Variants in PRR5L observed in about 807,000 individuals in gnomAD.
PRR5L encodes the protein proline rich 5 like, also known as proline-rich protein 5-like.
A neutral mutation model predicts 36.4 loss-of-function variants in PRR5L; 21 were observed. The observed-to-expected ratio is 0.58, with a 90% confidence interval of 0.41 to 0.83. The LOEUF (loss-of-function observed/expected upper bound fraction) is 0.83, where lower values mean the gene tolerates loss of function less well. PRR5L is among the 40% of genes least tolerant of loss of function. The probability of loss-of-function intolerance (pLI) is 0.00; values close to 1 mark genes in which losing one functional copy is unlikely to be tolerated. For synonymous variants in PRR5L, 188 were observed against 197.0 expected, an observed-to-expected ratio of 0.95 and a Z score of 0.38; for missense variants, 381 against 473.3, an observed-to-expected ratio of 0.80 and a Z score of 1.81.
chr11:36,450,593 A>G (rs1009727894), intron 7 of PRR5L, among the ~76,000 whole-genome samples: 3 of 152,156 alleles, frequency 2.0e-5, no homozygotes, highest in African/African-American at 4.8e-5. Flanking sequence ...TCCTGGCTCA[A>G]AAAGAATTAT....
chr11:36,450,688 A>G (rs1377363613), intron 7 of PRR5L, among the ~76,000 whole-genome samples: 1 of 152,222 alleles, frequency 6.6e-6, no homozygotes, highest in Non-Finnish European at 1.5e-5. Flanking sequence ...AGAGGGGATC[A>G]GAGCCAGATA....
At chr11:36,410,790 C>T (rs1277412608) in intron 3 of PRR5L, among the ~76,000 whole-genome samples, 2 of 152,192 alleles carry the variant, frequency 1.3e-5, no homozygotes, top group African/African-American at 4.8e-5. Context: ...TCTGTTCCTG[C>T]TTAAGAGAAG....
intron 1 of PRR5L, among the ~76,000 whole-genome samples, chr11:36,354,057 G>A (rs1258215701): frequency 6.6e-6 from 1 of 152,146 alleles, no homozygotes; most frequent in Non-Finnish European, 1.5e-5. Context: ...GGCATTGGGC[G>A]GCTGAGACAG....
chr11:36,330,650 G>C (rs532658105), intron 1 of PRR5L, among the ~76,000 whole-genome samples: 1 of 152,276 alleles, frequency 6.6e-6, no homozygotes, highest in South Asian at 2.1e-4. Flanking sequence ...AATGGCTGTG[G>C]TTAAAGGTAT....
At chr11:36,370,005 G>GGA (rs1857182484) in intron 1 of PRR5L, among the ~76,000 whole-genome samples, 4 of 152,180 alleles carry the variant, frequency 2.6e-5, no homozygotes, top group African/African-American at 9.7e-5. Context: ...GGCCTTCTAG[G>GGA]AAATGAACTG....
intron 1 of PRR5L, among the ~76,000 whole-genome samples, chr11:36,326,131 C>T (rs1481680156): frequency 2.0e-5 from 3 of 152,000 alleles, no homozygotes; most frequent in Non-Finnish European, 2.9e-5. Context: ...AATAGTGAAC[C>T]TCTGCATACC....
At position 36,316,140 on chromosome 11, in the gene PRR5L, T is replaced by A. The variant is rs558622204; in HGVS notation, c.-126+19702T>A. Reference sequence around the variant, plus strand: ...ATGAAGGGCGAGATAGAAAATAATTTAGGCACCGAGGGCCATATGGTCTGT... The same window carrying A: ...ATGAAGGGCGAGATAGAAAATAATTAAGGCACCGAGGGCCATATGGTCTGT... On this transcript the variant is annotated intron_variant, in intron 1 of 8. Coordinates refer to ENST00000530639, the MANE Select transcript of PRR5L (RefSeq NM_001160167.2). 9.8e-4 allele frequency among the ~76,000 whole-genome samples: 150 copies of A among 152,306 alleles called. 1 individual carries two copies. The highest frequency in any genetic ancestry group is 3.5e-3 in the African/African-American group (145 of 41,564).
intron 3 of PRR5L, among the ~76,000 whole-genome samples, chr11:36,412,085 C>CTAGTA: frequency 6.6e-6 from 1 of 152,124 alleles, no homozygotes; most frequent in South Asian, 2.1e-4. Flanking sequence ...GGTGAGGAAA[C>CTAGTA]TGAAGTATGA....
At chr11:36,339,437 A>T (rs535924467) in intron 1 of PRR5L, among the ~76,000 whole-genome samples, 308 of 152,372 alleles carry the variant, frequency 2.0e-3, no homozygotes, top group Admixed American at 5.4e-3. Context: ...GTACTTTGTA[A>T]ATCCCTGTTG....
At chr11:36,333,860 C>A (rs1295054281) in intron 1 of PRR5L, among the ~76,000 whole-genome samples, 1 of 152,092 alleles carries the variant, frequency 6.6e-6, no homozygotes, top group Non-Finnish European at 1.5e-5. Context: ...TAAATGGATG[C>A]AGGGGTTTAT....
At chr11:36,347,849 T>A (rs140235575) in intron 1 of PRR5L, among the ~76,000 whole-genome samples, 1 of 152,078 alleles carries the variant, frequency 6.6e-6, no homozygotes, top group East Asian at 1.9e-4. Flanking sequence ...GGAAAAAAGT[T>A]CCTATGGTGG....
At chr11:36,372,539 T>G (rs1306631811) in intron 1 of PRR5L, among the ~76,000 whole-genome samples, 1 of 152,238 alleles carries the variant, frequency 6.6e-6, no homozygotes, top group Non-Finnish European at 1.5e-5. Flanking sequence ...TAATTTCTGC[T>G]TGCTCATAGC....
intron 4 of PRR5L, among the ~76,000 whole-genome samples, chr11:36,422,288 C>A (rs373200681): frequency 6.6e-6 from 1 of 152,104 alleles, no homozygotes; most frequent in Admixed American, 6.6e-5. Flanking sequence ...TGTCAGATGT[C>A]GTTTCAGGAG....
intron 1 of PRR5L, among the ~76,000 whole-genome samples, chr11:36,353,988 A>G (rs1393020201): frequency 1.3e-5 from 2 of 152,184 alleles, no homozygotes; most frequent in Admixed American, 1.3e-4. Flanking sequence ...GAGACAAAGA[A>G]TCAATAGTCA....
chr11:36,390,511 C>T (rs1370111581), intron 1 of PRR5L, among the ~76,000 whole-genome samples: 1 of 152,168 alleles, frequency 6.6e-6, no homozygotes, highest in Non-Finnish European at 1.5e-5. Flanking sequence ...CATCGTTTCT[C>T]ATGAGATGTG....
Position 36,381,108 on chromosome 11 carries a change from G to C in PRR5L, c.-125-19889G>C, listed in dbSNP as rs965021549. 1.1e-4 allele frequency among the ~76,000 whole-genome samples: 16 copies of C among 152,190 alleles called. No individual in the cohort carries two copies. The East Asian group carries it at 2.9e-3, about 27-fold the overall frequency. Reference sequence around the variant, plus strand: ...TTCTTCTTTTTCTCCCCTCAATTTTGAGGTGCGAATATGTTTCCCTCACCC... The same window carrying C: ...TTCTTCTTTTTCTCCCCTCAATTTTCAGGTGCGAATATGTTTCCCTCACCC... On this transcript the variant is annotated intron_variant, in intron 1 of 8. Transcript: ENST00000530639.
chr11:36,391,495 C>T (rs932025481), intron 1 of PRR5L, among the ~76,000 whole-genome samples: 1 of 152,210 alleles, frequency 6.6e-6, no homozygotes, highest in African/African-American at 2.4e-5. Context: ...CTGTAACTGC[C>T]ACCGAATTTC....
chr11:36,377,103 G>A lies in PRR5L; in HGVS notation c.-125-23894G>A, dbSNP rs1021877633. Among the ~76,000 whole-genome samples, 1 of 152,212 alleles carries A rather than the reference G, an allele frequency of 6.6e-6. No homozygotes were observed. Among genetic ancestry groups the A allele is most frequent in the Non-Finnish European group, 1.5e-5 (1 of 68,036 alleles). On this transcript the variant is annotated intron_variant, in intron 1 of 8. Coordinates refer to ENST00000530639, the MANE Select transcript of PRR5L (RefSeq NM_001160167.2). This position sits in a 1 kb window ranked among gnomAD's most constrained non-coding sequence, Gnocchi z 5.1. ...GACTCTCTCGTTCTCCCTCTGGGGGGCAAATCTAAAGAGCTGACCCCGCTT... is the reference window on the plus strand; with the variant it reads ...GACTCTCTCGTTCTCCCTCTGGGGGACAAATCTAAAGAGCTGACCCCGCTT...
At chr11:36,374,573 G>T (rs778377652) in intron 1 of PRR5L, among the ~76,000 whole-genome samples, 1 of 152,292 alleles carries the variant, frequency 6.6e-6, no homozygotes. Flanking sequence ...AGTTAGCAAT[G>T]TAGAATGGAT....
Sources: gnomAD v4.1 joint callset for allele counts (sites outside exome capture counted in the v4.1 genomes callset) on GRCh38, gnomAD v4.1.1 for gene constraint, Gnocchi (gnomAD v3.1) non-coding constraint, MANE v1.5 for transcripts, NCBI Gene and HGNC (gene_info 2026-07-23, HGNC 2026-07-21) for gene names.